SUPT4H1: variants seen among roughly 807,000 people sequenced by gnomAD.
The protein encoded by SUPT4H1 is transcription elongation factor SPT4.
SUPT4H1 carries 12 observed loss-of-function variants against 19.4 expected under a neutral mutation model. The observed-to-expected ratio is 0.62, with a 90% CI of 0.40 to 1.00. SUPT4H1 has a LOEUF of 1.00. Among genes scored for constraint, SUPT4H1 ranks in the 50% least tolerant of loss-of-function variants. The pLI is 0.00. For synonymous variants in SUPT4H1, 58 were observed against 56.3 expected, an observed-to-expected ratio of 1.03 and a Z score of -0.14; for missense variants, 115 against 149.2, an observed-to-expected ratio of 0.77 and a Z score of 1.19.
chr17:58,346,496 G>C (rs1972292729), intron 4 of SUPT4H1, among the ~76,000 whole-genome samples, 183 bp from the exon 5 acceptor site: 1 of 151,992 alleles, frequency 6.6e-6, no homozygotes, highest in Non-Finnish European at 1.5e-5. Flanking sequence ...AGGTCAAGGT[G>C]GATCACTTGA....
At chr17:58,351,668 C>T (rs1972526867) in intron 1 of SUPT4H1, 160 bp from the exon 2 acceptor site, 1 of 598,812 alleles carries the variant, frequency 1.7e-6, no homozygotes, top group Admixed American at 3.0e-5. Context: ...AGCTTCATTC[C>T]TAAGTCCCAC....
intron 2 of SUPT4H1, among the ~76,000 whole-genome samples, chr17:58,348,194 G>T (rs1451262477): frequency 6.6e-6 from 1 of 152,224 alleles, no homozygotes. Flanking sequence ...TTCCCAGGTA[G>T]CTGTGATTCC....
intron 2 of SUPT4H1, among the ~76,000 whole-genome samples, chr17:58,350,000 C>T (rs956979607): frequency 1.3e-5 from 2 of 152,192 alleles, no homozygotes; most frequent in Non-Finnish European, 1.5e-5. Flanking sequence ...TTAGAAATGG[C>T]GACCGGGCAC....
At chr17:58,350,876 T>C (rs1443910549) in intron 2 of SUPT4H1, among the ~76,000 whole-genome samples, 2 of 147,190 alleles carry the variant, frequency 1.4e-5, no homozygotes, top group East Asian at 2.0e-4. Flanking sequence ...TTTTGGGCAA[T>C]GATCTACCAT....
At chr17:58,348,810 C>G (rs1402722408) in intron 2 of SUPT4H1, among the ~76,000 whole-genome samples, 1 of 152,204 alleles carries the variant, frequency 6.6e-6, no homozygotes, top group Non-Finnish European at 1.5e-5. Flanking sequence ...TCATCTAGCC[C>G]TCTTCCGATC....
chr17:58,351,639 C>T (rs1972525843), intron 1 of SUPT4H1, 131 bp from the exon 2 acceptor site: 1 of 647,798 alleles, frequency 1.5e-6, no homozygotes, highest in African/African-American at 1.8e-5. Context: ...TCCTAAGGTT[C>T]CCCACCTACT....
intron 2 of SUPT4H1, among the ~76,000 whole-genome samples, chr17:58,348,155 A>G (rs931636196): frequency 1.3e-5 from 2 of 152,236 alleles, no homozygotes; most frequent in Non-Finnish European, 2.9e-5. Context: ...CTAAATAAGC[A>G]TTAGCTCTCC....
At chr17:58,346,658 G>A (rs1015767144) in intron 4 of SUPT4H1, among the ~76,000 whole-genome samples, 1 of 148,412 alleles carries the variant, frequency 6.7e-6, no homozygotes, top group Admixed American at 6.9e-5. Context: ...ATGAGTTCAA[G>A]GCTGCAGTGA....
At chr17:58,348,876 C>T (rs1443346019) in intron 2 of SUPT4H1, among the ~76,000 whole-genome samples, 1 of 152,096 alleles carries the variant, frequency 6.6e-6, no homozygotes, top group African/African-American at 2.4e-5. Context: ...CAAATAATTC[C>T]TACAACCTAA....
At chr17:58,351,978 TTTCTC>T (rs773959112) in intron 1 of SUPT4H1, 84 bp downstream of exon 1, 1 of 1,424,376 alleles carries the variant, frequency 7.0e-7, no homozygotes, top group South Asian at 1.2e-5. Flanking sequence ...AGACTTAACT[TTTCTC>T]TTTACTGTCC....
At chr17:58,350,836 CAAAAAAAAA>C (rs35040111) in intron 2 of SUPT4H1, among the ~76,000 whole-genome samples, 2 of 81,902 alleles carry the variant, frequency 2.4e-5, no homozygotes, top group African/African-American at 5.0e-5. Flanking sequence ...AAAGTCTGTC[CAAAAAAAAA>C]AAAAAAAAAA....
At position 58,352,099 on chromosome 17, in the gene SUPT4H1, G is replaced by A. The variant is rs1483529128; in HGVS notation, c.37C>T (p.Leu13=). The part of the protein sequence containing the change: ...LETVPKDLRH[L]RACLLCSLVK... ...AGCGAACACAGCAAACAGGCCCGCA[G>A]ATGCCGCAGGTCCTTCGGCACCGTC... is the stretch of plus-strand genomic sequence containing the variant. The change falls in exon 1 of 5, where the codon CTG becomes TTG. Residue 13 remains leucine, a synonymous_variant. Transcript: ENST00000225504. 5 of 1,614,176 alleles carry A rather than the reference G, an allele frequency of 3.1e-6. No homozygotes were observed. The highest frequency in any genetic ancestry group is 4.2e-6 in the Non-Finnish European group (5 of 1,180,030).
intron 1 of SUPT4H1, 23 bp from the exon 2 acceptor site, chr17:58,351,531 G>T (rs1302874840): frequency 2.0e-6 from 3 of 1,524,186 alleles, no homozygotes; most frequent in Non-Finnish European, 2.7e-6. Flanking sequence ...GAAAAATAAA[G>T]GAAAAGGAGA....
At chr17:58,351,708 T>C in intron 1 of SUPT4H1, 200 bp from the exon 2 acceptor site, 1 of 578,796 alleles carries the variant, frequency 1.7e-6, no homozygotes, top group Non-Finnish European at 3.1e-6. Flanking sequence ...TCGTTCCCAA[T>C]TCCGTTTTAT....
intron 2 of SUPT4H1, 68 bp from the exon 3 acceptor site, chr17:58,347,652 G>T (rs942212894): frequency 2.6e-6 from 4 of 1,525,980 alleles, no homozygotes; most frequent in South Asian, 2.3e-5. Context: ...TCTGAGAGAG[G>T]AATCTAGGAA....
At position 58,345,426 on chromosome 17, in the gene SUPT4H1, G is replaced by A. The variant is rs1197460793; in HGVS notation, c.*820C>T. 2 of 152,010 alleles carry A rather than the reference G, an allele frequency of 1.3e-5. No homozygotes were observed. The highest frequency in any genetic ancestry group is 2.9e-5 in the Non-Finnish European group (2 of 68,008). 9.4% of individuals were successfully genotyped at this position (152,010 alleles called of 1,614,324 possible). On this transcript the variant is annotated 3_prime_UTR_variant, in exon 5 of 5. Transcript: ENST00000225504. ...GGCCGAAAAATGGGATGTTACCCAAGGTCCCCTACTAGGCCGGAGGAGAAA... is the reference window on the plus strand; with the variant it reads ...GGCCGAAAAATGGGATGTTACCCAAAGTCCCCTACTAGGCCGGAGGAGAAA...
intron 2 of SUPT4H1, among the ~76,000 whole-genome samples, chr17:58,349,289 C>T (rs899105767): frequency 1.3e-5 from 2 of 152,192 alleles, no homozygotes; most frequent in African/African-American, 4.8e-5. Context: ...CAATAGAAAT[C>T]GTTTTCAAAT....
At chr17:58,351,898 G>A (rs1972538837) in intron 1 of SUPT4H1, 169 bp downstream of exon 1, 1 of 683,956 alleles carries the variant, frequency 1.5e-6, no homozygotes, top group Non-Finnish European at 2.5e-6. Context: ...TGCAAGACCT[G>A]TCCGCGATCC....
At chr17:58,351,607 G>C in intron 1 of SUPT4H1, 99 bp from the exon 2 acceptor site, 1 of 800,246 alleles carries the variant, frequency 1.2e-6, no homozygotes, top group Non-Finnish European at 2.1e-6. Flanking sequence ...TCAATTTCTT[G>C]TTTCCCTATG....
Sources: gnomAD v4.1 joint callset for allele counts (sites outside exome capture counted in the v4.1 genomes callset) on GRCh38, gnomAD v4.1.1 for gene constraint, MANE v1.5 for transcripts, NCBI Gene and HGNC (gene_info 2026-07-23, HGNC 2026-07-21) for gene names.